PPP1R9B: variants seen among roughly 807,000 people sequenced by gnomAD.
The protein encoded by PPP1R9B is neurabin-2.
Under a neutral mutation model 75.8 loss-of-function variants are expected in PPP1R9B, and 17 were observed. The ratio of observed to expected loss-of-function variants is 0.22; its 90% confidence interval spans 0.15 to 0.34. PPP1R9B has a LOEUF of 0.34. Among genes scored for constraint, PPP1R9B ranks in the 10% least tolerant of loss-of-function variants. The pLI is 1.00. For missense variants in PPP1R9B, 875 were observed against 1,196.0 expected, an observed-to-expected ratio of 0.73 and a Z score of 3.96; for synonymous variants, 509 against 535.4, an observed-to-expected ratio of 0.95 and a Z score of 0.68.
chr17:50,139,129 A>G lies in PPP1R9B; in HGVS notation c.2073+134T>C. 1.1e-6 allele frequency: 1 copy of G among 947,556 alleles called. No homozygotes were observed. The highest frequency in any genetic ancestry group is 1.7e-6 in the Non-Finnish European group (1 of 585,236). The allele number at this position is 947,556 out of a possible 1,614,324, so 58.7% of individuals were successfully genotyped here. A position where few individuals can be genotyped will look rare whatever the true frequency, so the allele number is the denominator to read the frequency against. Reference sequence around the variant, plus strand: ...CTCTTAATATCGTATCTATCATATCATCTTGCTTTAGAGCAGCTTGTTCTG... The same window carrying G: ...CTCTTAATATCGTATCTATCATATCGTCTTGCTTTAGAGCAGCTTGTTCTG... On this transcript the variant is annotated intron_variant, in intron 7 of 9. Coordinates refer to ENST00000612501, the MANE Select transcript of PPP1R9B (RefSeq NM_032595.5). This position sits in a 1 kb window ranked among gnomAD's most constrained non-coding sequence, Gnocchi z 5.0.
chr17:50,135,232 G>A lies in PPP1R9B; in HGVS notation c.*99C>T. 9.9e-7 allele frequency: 1 copy of A among 1,011,934 alleles called. No individual in the cohort carries two copies. 62.7% of individuals were successfully genotyped at this position (1,011,934 alleles called of 1,614,324 possible). ...AGGGGTGGGGGGAGTCGGGGCACCT[G>A]TCCCCAGGCTGGAAGGGGGAGGGGT... On this transcript the variant is annotated 3_prime_UTR_variant, in exon 10 of 10. Coordinates refer to ENST00000612501, the MANE Select transcript of PPP1R9B (RefSeq NM_032595.5).
chr17:50,140,002 G>C (rs1598246034), intron 5 of PPP1R9B, 91 bp downstream of exon 5: 3 of 1,416,286 alleles, frequency 2.1e-6, no homozygotes, highest in Non-Finnish European at 2.9e-6. Context: ...CTTTTTACTA[G>C]GGCAGGGGAA....
Position 50,150,530 on chromosome 17 carries a change from T to A in PPP1R9B, c.-17A>T, listed in dbSNP as rs981285212. ...CTTCATCATGGTGGGGGGAGCCGGG[T>A]TCGCATGCCCCTGCTCCCCGCTCCC... On this transcript the variant is annotated 5_prime_UTR_variant, in exon 1 of 10. Coordinates refer to ENST00000612501, the MANE Select transcript of PPP1R9B (RefSeq NM_032595.5). This position sits in a 1 kb window ranked among gnomAD's most constrained non-coding sequence, Gnocchi z 8.7. 3 of 1,312,120 alleles carry A rather than the reference T, an allele frequency of 2.3e-6. No individual in the cohort carries two copies. In the Admixed American group the frequency reaches 1.2e-4, roughly 54 times the overall value. The allele number at this position is 1,312,120 out of a possible 1,614,324, so 81.3% of individuals were successfully genotyped here.
Position 50,149,022 on chromosome 17 carries a change from A to C in PPP1R9B, c.1371+121T>G, listed in dbSNP as rs370419507. 15 of 636,782 alleles carry C rather than the reference A, an allele frequency of 2.4e-5. No individual in the cohort carries two copies. In the East Asian group the frequency reaches 3.4e-4, roughly 15 times the overall value. The allele number at this position is 636,782 out of a possible 1,614,324, so 39.4% of individuals were successfully genotyped here. A position where few individuals can be genotyped will look rare whatever the true frequency, so the allele number is the denominator to read the frequency against. ...CCCCTGAGGGTGGGAACTTCTGGGAAGGGGGCTGGGTGGCAGGGGCTGACT... is the reference window on the plus strand; with the variant it reads ...CCCCTGAGGGTGGGAACTTCTGGGACGGGGGCTGGGTGGCAGGGGCTGACT... On this transcript the variant is annotated intron_variant, in intron 1 of 9. Transcript: ENST00000612501. This position sits in a 1 kb window ranked among gnomAD's most constrained non-coding sequence, Gnocchi z 7.2.
Position 50,145,203 on chromosome 17 carries a change from C to G in PPP1R9B, c.1414G>C (p.Glu472Gln). ...GAGGCTGCCATGGGATCCACATCCTCGTTGCGACGATCGTAATCCTCGTTG... is the reference window on the plus strand; with the variant it reads ...GAGGCTGCCATGGGATCCACATCCTGGTTGCGACGATCGTAATCCTCGTTG... ...YSNEDYDRRN[E>Q]DVDPMAASAE... is the part of the protein sequence containing the mutation. Residue 472 changes from glutamate (E) to glutamine (Q), a missense_variant, in exon 2 of 10, where the codon GAG becomes CAG. By Grantham distance (29) the Glu-to-Gln change is conservative (BLOSUM62 2). This residue lies in a region of PPP1R9B where 63 missense variants were observed against 160.2 expected (regional missense o/e 0.39). Transcript: ENST00000612501. 1 of 1,613,970 alleles carries G rather than the reference C, an allele frequency of 6.2e-7. No homozygotes were observed. Among genetic ancestry groups the G allele is most frequent in the East Asian group, 2.2e-5 (1 of 44,886 alleles).
intron 7 of PPP1R9B, among the ~76,000 whole-genome samples, chr17:50,138,299 C>G (rs1004438994): frequency 6.6e-6 from 1 of 152,114 alleles, no homozygotes; most frequent in Non-Finnish European, 1.5e-5. Flanking sequence ...GTGGTCTGAT[C>G]GATGGCCATG....
chr17:50,147,632 G>C (rs1178701467), intron 1 of PPP1R9B, among the ~76,000 whole-genome samples: 1 of 152,144 alleles, frequency 6.6e-6, no homozygotes, highest in African/African-American at 2.4e-5. Flanking sequence ...TGAGGGAATC[G>C]GACTTCTCGC....
chr17:50,135,668 C>A lies in PPP1R9B; in HGVS notation c.2304-19G>T. 1 of 1,581,678 alleles carries A rather than the reference C, an allele frequency of 6.3e-7. No homozygotes were observed. Among genetic ancestry groups the A allele is most frequent in the Non-Finnish European group, 8.6e-7 (1 of 1,160,156 alleles). On this transcript the variant is annotated intron_variant, in intron 8 of 9. Transcript: ENST00000612501. ...GATCTCCCTGGGCACAGGCAAGGGA[C>A]AGATGGCAGGTAAGGGTGTGTGGTC...
In PPP1R9B at chr17:50,150,386, T is replaced by C; in HGVS notation, c.128A>G (p.Lys43Arg). The C allele has an allele frequency of 1.4e-6, 2 of 1,405,932 alleles. No individual in the cohort carries two copies. Among genetic ancestry groups the C allele is most frequent in the African/African-American group, 1.5e-5 (1 of 65,428 alleles). 87.1% of individuals were successfully genotyped at this position (1,405,932 alleles called of 1,614,324 possible). A position where few individuals can be genotyped will look rare whatever the true frequency, so the allele number is the denominator to read the frequency against. ...GCCATATTTCTTGTGGTGGGCCCCCTTGGGTGCCTCGTCGGGCCCGGGCGC... is the reference window on the plus strand; with the variant it reads ...GCCATATTTCTTGTGGTGGGCCCCCCTGGGTGCCTCGTCGGGCCCGGGCGC... Reference protein sequence around the residue: ...PDAPGPDEAPKGAHHKKYGSN... With the variant: ...PDAPGPDEAPRGAHHKKYGSN... The change falls in exon 1 of 10, where the codon AAG becomes AGG. Residue 43 changes from lysine (K) to arginine (R), a missense_variant. Coordinates refer to ENST00000612501, the MANE Select transcript of PPP1R9B (RefSeq NM_032595.5). The surrounding 1 kb of genome is among the most constrained non-coding windows in gnomAD (Gnocchi z 8.7).
chr17:50,135,686 G>A, intron 8 of PPP1R9B, 37 bp from the exon 9 acceptor site: 3 of 1,543,540 alleles, frequency 1.9e-6, no homozygotes, highest in Non-Finnish European at 2.6e-6. Context: ...AGGTAAGGGT[G>A]TGTGGTCTGG....
At chr17:50,145,755 CAGAAG>C (rs1027615174) in intron 1 of PPP1R9B, among the ~76,000 whole-genome samples, 1 of 149,050 alleles carries the variant, frequency 6.7e-6, no homozygotes, top group Admixed American at 6.7e-5. Context: ...GGGTGTGAGA[CAGAAG>C]AGGAGGAGGG....
Position 50,140,111 on chromosome 17 carries a change from A to G in PPP1R9B, c.1848T>C (p.Tyr616=), listed in dbSNP as rs1353210173. 1 of 1,613,482 alleles carries G rather than the reference A, an allele frequency of 6.2e-7. No individual in the cohort carries two copies. The highest frequency in any genetic ancestry group is 1.1e-5 in the South Asian group (1 of 90,918). ...TCCCTACCTCCTCGTCATCCTCCCC[A>G]TACTGGGCGTATCTCTGCTCCATCA... ...REMMEQRYAQ[Y]GEDDEETGEY... is the part of the protein sequence containing the mutation. The change falls in exon 5 of 10, where the codon TAT becomes TAC. Residue 616 remains tyrosine, a synonymous_variant. Coordinates refer to ENST00000612501, the MANE Select transcript of PPP1R9B (RefSeq NM_032595.5).
chr17:50,135,149 C>T lies in PPP1R9B; in HGVS notation c.*182G>A. 1.7e-6 allele frequency: 1 copy of T among 591,502 alleles called. No individual in the cohort carries two copies. The highest frequency in any genetic ancestry group is 1.9e-5 in the South Asian group (1 of 52,436). The allele number at this position is 591,502 out of a possible 1,614,324, so 36.6% of individuals were successfully genotyped here. Reference sequence around the variant, plus strand: ...AGCCACCTCTGTCTGCCCAGGCCATCTTAAGGGGGCCTGTGATATGAGCCC... The same window carrying T: ...AGCCACCTCTGTCTGCCCAGGCCATTTTAAGGGGGCCTGTGATATGAGCCC... On this transcript the variant is annotated 3_prime_UTR_variant, in exon 10 of 10. Transcript: ENST00000612501.
chr17:50,144,247 A>ACCACCTG lies in PPP1R9B; in HGVS notation c.1505-536_1505-530dup, dbSNP rs571273549. On this transcript the variant is annotated intron_variant, in intron 2 of 9. Coordinates refer to ENST00000612501, the MANE Select transcript of PPP1R9B (RefSeq NM_032595.5). ...ACACTCCCTCATGGGGGATGGTACC[A>ACCACCTG]CCACCTGCCACCTGCCAGACCTGGG... is the stretch of plus-strand genomic sequence containing the variant. Among the ~76,000 whole-genome samples the ACCACCTG allele has an allele frequency of 2.5e-3, 383 of 152,028 alleles. 3 individuals are homozygous for ACCACCTG. Among genetic ancestry groups the ACCACCTG allele is most frequent in the Non-Finnish European group, 4.8e-3 (323 of 67,960 alleles).
chr17:50,136,042 C>G lies in PPP1R9B; in HGVS notation c.2229G>C (p.Glu743Asp). ...CCAGGGCCTGGTACTGCGCCTGAGTCTCCCGCAGGTGCTCGTCCACAGCCT... is the reference window on the plus strand; with the variant it reads ...CCAGGGCCTGGTACTGCGCCTGAGTGTCCCGCAGGTGCTCGTCCACAGCCT... ...LCQAVDEHLR[E>D]TQAQYQALER... The change falls in exon 8 of 10, where the codon GAG becomes GAC. Residue 743 changes from glutamate to aspartate, a missense_variant. Coordinates refer to ENST00000612501, the MANE Select transcript of PPP1R9B (RefSeq NM_032595.5). The G allele has an allele frequency of 6.2e-7, 1 of 1,611,308 alleles. No homozygotes were observed. Among genetic ancestry groups the G allele is most frequent in the Non-Finnish European group, 8.5e-7 (1 of 1,178,926 alleles).
At position 50,140,771 on chromosome 17, in the gene PPP1R9B, G is replaced by C. The variant is rs114510932; in HGVS notation, c.1730+498C>G. Among the ~76,000 whole-genome samples the C allele has an allele frequency of 2.5e-3, 382 of 152,304 alleles. 1 individual carries two copies. Among genetic ancestry groups the C allele is most frequent in the African/African-American group, 9.0e-3 (374 of 41,568 alleles). ...CCTGGGGGTAGTACCCCTCTTGCAG[G>C]GGGGCAGGGAGTGATCCCTGAATGT... On this transcript the variant is annotated intron_variant, in intron 4 of 9. Coordinates refer to ENST00000612501, the MANE Select transcript of PPP1R9B (RefSeq NM_032595.5).
chr17:50,141,169 TG>T, intron 4 of PPP1R9B, 99 bp downstream of exon 4: 1 of 770,120 alleles, frequency 1.3e-6, no homozygotes, highest in Non-Finnish European at 2.1e-6. Flanking sequence ...CTCTGTGAGC[TG>T]GGCCACCAGA....
rs745720588 is a variant in PPP1R9B, at chr17:50,150,050, G to A, written c.464C>T (p.Ala155Val). ...QETRKLFERS[A>V]PAAAGGDKEA... Reference sequence around the variant, plus strand: ...CTTGTCGCCGCCTGCGGCCGCTGGGGCGCTCCGTTCGAACAGCTTCCGCGT... The same window carrying A: ...CTTGTCGCCGCCTGCGGCCGCTGGGACGCTCCGTTCGAACAGCTTCCGCGT... Residue 155 changes from alanine to valine, a missense_variant, in exon 1 of 10, where the codon GCC becomes GTC. Ala to Val is a moderately conservative substitution (Grantham distance 64). Transcript: ENST00000612501. The surrounding 1 kb of genome is among the most constrained non-coding windows in gnomAD (Gnocchi z 8.7). 2.9e-5 allele frequency: 42 copies of A among 1,465,342 alleles called. No individual in the cohort carries two copies. Among genetic ancestry groups the A allele is most frequent in the Non-Finnish European group, 3.4e-5 (38 of 1,117,668 alleles). The allele number at this position is 1,465,342 out of a possible 1,614,324, so 90.8% of individuals were successfully genotyped here.
In PPP1R9B at chr17:50,149,743, C is replaced by A; in HGVS notation, c.771G>T (p.Pro257=). The A allele has an allele frequency of 7.1e-7, 1 of 1,402,888 alleles. No individual in the cohort carries two copies. Among genetic ancestry groups the A allele is most frequent in the East Asian group, 2.9e-5 (1 of 34,388 alleles). The allele number at this position is 1,402,888 out of a possible 1,614,324, so 86.9% of individuals were successfully genotyped here. A position where few individuals can be genotyped will look rare whatever the true frequency, so the allele number is the denominator to read the frequency against. ...RSRVFQPPPP[P]PPAPSGDAPA... is the part of the protein sequence containing the mutation. ...GGGCATCCCCCGACGGGGCGGGCGG[C>A]GGCGGCGGCGGGGGCTGGAACACCC... is the stretch of plus-strand genomic sequence containing the variant. Residue 257 remains proline, a synonymous_variant, in exon 1 of 10, where the codon CCG becomes CCT. Coordinates refer to ENST00000612501, the MANE Select transcript of PPP1R9B (RefSeq NM_032595.5). The surrounding 1 kb of genome is among the most constrained non-coding windows in gnomAD (Gnocchi z 7.2).
Sources: gnomAD v4.1 joint callset for allele counts (sites outside exome capture counted in the v4.1 genomes callset) on GRCh38, gnomAD v4.1.1 for gene constraint, gnomAD v4.1.1 regional missense constraint, Gnocchi (gnomAD v3.1) non-coding constraint, MANE v1.5 for transcripts, NCBI Gene and HGNC (gene_info 2026-07-23, HGNC 2026-07-21) for gene names.